The following DCC variants were observed in gnomAD, a reference collection of about 807,000 sequenced individuals.
The protein encoded by DCC is DCC netrin 1 receptor, also known as netrin receptor DCC.
Under a neutral mutation model 172.5 loss-of-function variants are expected in DCC, and 58 were observed. The ratio of observed to expected loss-of-function variants is 0.34; its 90% CI spans 0.27 to 0.42. The LOEUF is 0.42. Among genes scored for constraint, DCC ranks in the 10% least tolerant of loss-of-function variants. DCC has a pLI of 1.00. For missense variants in DCC, 1,740 were observed against 1,791.0 expected (o/e 0.97, Z 0.51); for synonymous variants, 709 against 644.5 (o/e 1.10, Z -1.52).
chr18:52,580,282 C>T lies in DCC; in HGVS notation c.92-171772C>T, dbSNP rs147393553. Among the ~76,000 whole-genome samples, 166 of 152,298 alleles carry T rather than the reference C, an allele frequency of 1.1e-3. 1 individual carries two copies. Among genetic ancestry groups the T allele is most frequent in the African/African-American group, 3.6e-3 (150 of 41,576 alleles). The stretch of plus-strand genomic sequence containing the variant: ...TTGTTTGTTTTGTTTTGTTTTGAGA[C>T]AGAGTCTCACTGTTGCCCAGGTTGG... On this transcript the variant is annotated intron_variant, in intron 1 of 28. Transcript: ENST00000442544.
chr18:52,494,714 A>G (rs922052934), intron 1 of DCC, among the ~76,000 whole-genome samples: 2 of 151,936 alleles, frequency 1.3e-5, no homozygotes, highest in Non-Finnish European at 2.9e-5. Context: ...CATTCTTTGC[A>G]TCTGTTTGCT....
At chr18:53,410,797 C>T (rs184994822) in intron 20 of DCC, 151 bp downstream of exon 20, 55 of 662,788 alleles carry the variant, frequency 8.3e-5, no homozygotes, top group South Asian at 6.3e-4. Flanking sequence ...GCTTTTTATG[C>T]TCAAAGCCGA....
At chr18:52,591,788 T>A (rs1351958511) in intron 1 of DCC, among the ~76,000 whole-genome samples, 68 of 69,876 alleles carry the variant, frequency 9.7e-4, no homozygotes, top group African/African-American at 2.9e-3. Flanking sequence ...TATTTATTTC[T>A]TTTTTTTTTT....
At chr18:53,154,675 T>A (rs1302140825) in intron 7 of DCC, among the ~76,000 whole-genome samples, 2 of 152,036 alleles carry the variant, frequency 1.3e-5, no homozygotes, top group African/African-American at 2.4e-5. Flanking sequence ...ATTAATGAGA[T>A]GTTCAGGAGC....
intron 21 of DCC, among the ~76,000 whole-genome samples, chr18:53,419,236 G>A (rs1050809489): frequency 2.6e-5 from 4 of 152,102 alleles, no homozygotes; most frequent in Admixed American, 2.6e-4. Context: ...TGTGAAATAA[G>A]CACATCATGG....
At chr18:53,490,090 G>T (rs987327388) in intron 26 of DCC, among the ~76,000 whole-genome samples, 1 of 152,118 alleles carries the variant, frequency 6.6e-6, no homozygotes. Context: ...TAGTGGGAAG[G>T]CTGGTCAGCT....
chr18:52,959,566 A>T (rs1479858109), intron 5 of DCC, among the ~76,000 whole-genome samples: 2 of 149,382 alleles, frequency 1.3e-5, no homozygotes, highest in Non-Finnish European at 2.9e-5. Flanking sequence ...CTTCCTCCCC[A>T]CTTTTTGAGT....
intron 5 of DCC, among the ~76,000 whole-genome samples, chr18:53,028,758 A>C (rs1020434453): frequency 6.6e-6 from 1 of 152,136 alleles, no homozygotes; most frequent in African/African-American, 2.4e-5. Flanking sequence ...AATATGCCAA[A>C]TGTCCCACCC....
At chr18:53,105,445 T>C (rs1198555074) in intron 7 of DCC, among the ~76,000 whole-genome samples, 1 of 152,032 alleles carries the variant, frequency 6.6e-6, no homozygotes, top group Admixed American at 6.6e-5. Flanking sequence ...TGTTTTTCTC[T>C]CATGGCCCTT....
At chr18:52,451,569 G>A (rs1269931559) in intron 1 of DCC, among the ~76,000 whole-genome samples, 1 of 152,196 alleles carries the variant, frequency 6.6e-6, no homozygotes, top group Middle Eastern at 3.2e-3. Flanking sequence ...TGTTCAATAA[G>A]AGGACATAGT....
intron 1 of DCC, among the ~76,000 whole-genome samples, chr18:52,616,542 G>T (rs897943389): frequency 6.6e-6 from 1 of 152,032 alleles, no homozygotes; most frequent in Admixed American, 6.5e-5. Context: ...CATTTGACAA[G>T]CCAATTACAT....
intron 12 of DCC, among the ~76,000 whole-genome samples, chr18:53,246,462 A>G (rs2056366046): frequency 6.6e-6 from 1 of 152,012 alleles, no homozygotes; most frequent in Admixed American, 6.6e-5. Flanking sequence ...AGGAAATGCA[A>G]TGATAAATAT....
At chr18:53,435,294 A>G (rs1911868010) in intron 22 of DCC, 85 bp downstream of exon 22, 1 of 856,108 alleles carries the variant, frequency 1.2e-6, no homozygotes, top group Non-Finnish European at 2.0e-6. Flanking sequence ...TTTTCTATCA[A>G]CTACAAGTGC....
At chr18:52,727,811 T>C (rs962439249) in intron 1 of DCC, among the ~76,000 whole-genome samples, 1 of 152,198 alleles carries the variant, frequency 6.6e-6, no homozygotes, top group Non-Finnish European at 1.5e-5. Flanking sequence ...TGTTATTGGA[T>C]GCTTTATGGT....
chr18:52,508,360 G>C (rs2031313502), intron 1 of DCC, among the ~76,000 whole-genome samples: 1 of 152,072 alleles, frequency 6.6e-6, no homozygotes, highest in African/African-American at 2.4e-5. Context: ...CTCCACAAAA[G>C]CTGAGAAGGT....
At chr18:52,479,931 A>G (rs1352109947) in intron 1 of DCC, among the ~76,000 whole-genome samples, 1 of 152,110 alleles carries the variant, frequency 6.6e-6, no homozygotes, top group Non-Finnish European at 1.5e-5. Context: ...GTAGCAAACT[A>G]TATCCTGACA....
At chr18:53,149,927 C>T (rs141543032) in intron 7 of DCC, among the ~76,000 whole-genome samples, 373 of 152,300 alleles carry the variant, frequency 2.4e-3, no homozygotes, top group African/African-American at 8.7e-3. Context: ...ATAACAGACC[C>T]GTAGGTCCCC....
At chr18:52,368,095 G>T (rs1984957511) in intron 1 of DCC, among the ~76,000 whole-genome samples, 1 of 152,188 alleles carries the variant, frequency 6.6e-6, no homozygotes, top group Non-Finnish European at 1.5e-5. Context: ...ATCTGCTCTT[G>T]TCTAGAGGCA....
At chr18:52,929,930 A>G (rs1268754394) in intron 5 of DCC, among the ~76,000 whole-genome samples, 3 of 151,850 alleles carry the variant, frequency 2.0e-5, no homozygotes, top group Non-Finnish European at 4.4e-5. Flanking sequence ...ACTTCAGGAT[A>G]AATCATGGCA....
Sources: allele counts gnomAD v4.1 joint callset (sites outside exome capture counted in the v4.1 genomes callset), GRCh38; gene constraint gnomAD v4.1.1; transcripts MANE v1.5; gene names NCBI Gene and HGNC (gene_info 2026-07-23, HGNC 2026-07-21).